The following TTLL9 variants were observed in gnomAD, a reference collection of about 807,000 sequenced individuals.
TTLL9 encodes the protein probable tubulin polyglutamylase TTLL9.
In TTLL9, 47 loss-of-function variants were observed where a neutral mutation model predicts 65.6. That is an observed-to-expected ratio of 0.72 (90% CI 0.57 to 0.91). The LOEUF is 0.91. Ranked by LOEUF, TTLL9 falls within the 40% of genes least tolerant of loss-of-function variation. The pLI is 0.00. For missense variants in TTLL9, 537 were observed against 568.8 expected, an observed-to-expected ratio of 0.94 and a Z score of 0.57; for synonymous variants, 179 against 204.8, an observed-to-expected ratio of 0.87 and a Z score of 1.07.
intron 3 of TTLL9, among the ~76,000 whole-genome samples, chr20:31,891,156 G>A (rs974842628): frequency 1.3e-5 from 2 of 152,196 alleles, no homozygotes; most frequent in African/African-American, 4.8e-5. Context: ...TGCAAAGTGT[G>A]TTCTACCAGC....
chr20:31,884,067 C>T, intron 2 of TTLL9: 3 of 556,644 alleles, frequency 5.4e-6, no homozygotes, highest in South Asian at 2.8e-5. Context: ...TACAAACTAC[C>T]AGAACTAATC....
intron 11 of TTLL9, 194 bp from the exon 12 acceptor site, chr20:31,934,498 A>G: frequency 1.5e-6 from 1 of 680,632 alleles, no homozygotes; most frequent in Non-Finnish European, 2.7e-6. Context: ...CTGCATAGCC[A>G]GTCCTCTTAG....
chr20:31,898,484 C>G lies in TTLL9; in HGVS notation c.125C>G (p.Ala42Gly). The change falls in exon 4 of 15, where the codon GCA (alanine) becomes GGA (glycine). Residue 42 changes from alanine to glycine, a missense_variant. By Grantham distance (60) the Ala-to-Gly change is moderately conservative. Around this residue, in one of 3 missense-constraint regions of TTLL9, gnomAD observed 320 missense variants for 311.0 expected, o/e 1.03. Transcript: ENST00000535842. ...GCCTTGTCTTGCAGAGAGCAGAGAG[C>G]ATCGATCCGGTTCAAGACCACCCTC... ...LSKGKEREQR[A>G]SIRFKTTLMN... 1.9e-6 allele frequency: 3 copies of G among 1,614,146 alleles called. No homozygotes were observed. The South Asian group carries it at 3.3e-5, about 18-fold the overall frequency.
chr20:31,902,846 C>T (rs1051606502), intron 4 of TTLL9, among the ~76,000 whole-genome samples: 2 of 151,938 alleles, frequency 1.3e-5, no homozygotes, highest in Admixed American at 1.3e-4. Flanking sequence ...CACCAACTCT[C>T]GTTATTATTC....
At chr20:31,891,990 A>G (rs919076603) in intron 3 of TTLL9, among the ~76,000 whole-genome samples, 3 of 151,962 alleles carry the variant, frequency 2.0e-5, no homozygotes, top group Admixed American at 1.3e-4. Context: ...TTTAGTACAG[A>G]TGGGGTTTCA....
At chr20:31,912,009 A>AC (rs2063660607) in intron 6 of TTLL9, among the ~76,000 whole-genome samples, 1 of 150,862 alleles carries the variant, frequency 6.6e-6, no homozygotes, top group African/African-American at 2.4e-5. Context: ...AGGTCACTCG[A>AC]CCCCCTTAAG....
intron 9 of TTLL9, chr20:31,925,788 C>T (rs945289502): frequency 8.0e-6 from 10 of 1,252,016 alleles, no homozygotes; most frequent in Middle Eastern, 1.9e-4. Flanking sequence ...GTGGAGGAAA[C>T]GGTAGGTGCA....
chr20:31,877,403 G>C (rs1337129309), intron 2 of TTLL9, among the ~76,000 whole-genome samples: 3 of 152,202 alleles, frequency 2.0e-5, no homozygotes, highest in Non-Finnish European at 4.4e-5. Context: ...GAAGTGCTGA[G>C]ATTACAGGCG....
chr20:31,944,745 T>C lies in TTLL9; in HGVS notation c.*1724T>C, dbSNP rs1182964282. ...CTTGAAAACACGTAAGAACTGGCCA[T>C]GACAGCCTGTGTTTCTATGTAACTA... On this transcript the variant is annotated 3_prime_UTR_variant, in exon 15 of 15. Transcript: ENST00000535842. 2.6e-5 allele frequency: 4 copies of C among 152,172 alleles called. No homozygotes were observed. The highest frequency in any genetic ancestry group is 5.9e-5 in the Non-Finnish European group (4 of 68,038). The allele number at this position is 152,172 out of a possible 1,614,324, so 9.4% of individuals were successfully genotyped here. A position where few individuals can be genotyped will look rare whatever the true frequency, so the allele number is the denominator to read the frequency against.
intron 10 of TTLL9, among the ~76,000 whole-genome samples, chr20:31,928,614 G>C (rs746199290): frequency 2.0e-5 from 3 of 151,898 alleles, no homozygotes; most frequent in Non-Finnish European, 4.4e-5. Context: ...ATAGTATACA[G>C]TCATCACCCT....
chr20:31,887,124 G>T, intron 2 of TTLL9, 72 bp from the exon 3 acceptor site: 1 of 1,492,874 alleles, frequency 6.7e-7, no homozygotes, highest in Non-Finnish European at 9.3e-7. Context: ...TTTAATATCT[G>T]CAGTAAGTTA....
chr20:31,911,474 T>A (rs969423691), intron 6 of TTLL9, among the ~76,000 whole-genome samples: 8 of 152,112 alleles, frequency 5.3e-5, no homozygotes, highest in African/African-American at 1.9e-4. Context: ...GAAACTGACA[T>A]GGGGCTGACA....
Position 31,937,421 on chromosome 20 carries a change from C to G in TTLL9, c.1030C>G (p.Pro344Ala), listed in dbSNP as rs2064130914. Residue 344 changes from proline (P) to alanine (A), a missense_variant, in exon 13 of 15, where the codon CCA becomes GCA. Around this residue, in one of 3 missense-constraint regions of TTLL9, gnomAD observed 205 missense variants for 225.9 expected, o/e 0.91. Coordinates refer to ENST00000535842, the MANE Select transcript of TTLL9 (RefSeq NM_001008409.5). ...GTGGCTCCTGGAGGTCAATGCGTCC[C>G]CATCACTGACAGCCAGCAGCCAGGA... ...KPWLLEVNAS[P>A]SLTASSQEDY... 3.1e-6 allele frequency: 5 copies of G among 1,613,796 alleles called. No homozygotes were observed. The highest frequency in any genetic ancestry group is 4.2e-6 in the Non-Finnish European group (5 of 1,179,826).
chr20:31,907,351 G>A (rs139404692), intron 4 of TTLL9, among the ~76,000 whole-genome samples: 7 of 152,300 alleles, frequency 4.6e-5, no homozygotes, highest in Admixed American at 3.3e-4. Flanking sequence ...AAGTATTAGC[G>A]TTAGGTTTAA....
At chr20:31,874,170 A>G (rs1042394403) in intron 2 of TTLL9, among the ~76,000 whole-genome samples, 2 of 152,230 alleles carry the variant, frequency 1.3e-5, no homozygotes, top group African/African-American at 4.8e-5. Flanking sequence ...ACAAAGCCCA[A>G]TCTGTCTTAA....
chr20:31,933,735 G>A, intron 10 of TTLL9, 65 bp from the exon 11 acceptor site: 1 of 1,521,482 alleles, frequency 6.6e-7, no homozygotes, highest in Middle Eastern at 1.7e-4. Flanking sequence ...TCAGTCCTGG[G>A]GACTTCGTGG....
intron 5 of TTLL9, among the ~76,000 whole-genome samples, chr20:31,909,047 G>C (rs915860624): frequency 8.6e-5 from 13 of 151,786 alleles, no homozygotes; most frequent in Admixed American, 2.6e-4. Flanking sequence ...TGGGAAGGAG[G>C]TCTAGAAGGG....
intron 10 of TTLL9, among the ~76,000 whole-genome samples, chr20:31,933,096 T>A (rs547127721): frequency 6.6e-6 from 1 of 152,308 alleles, no homozygotes; most frequent in African/African-American, 2.4e-5. Context: ...TCACTTAACT[T>A]CTCTGAGCCT....
At chr20:31,935,605 G>A (rs148165029) in intron 12 of TTLL9, among the ~76,000 whole-genome samples, 309 of 152,312 alleles carry the variant, frequency 2.0e-3, no homozygotes, top group African/African-American at 7.0e-3. Flanking sequence ...CTTGCTCAAC[G>A]GAAACAGGGT....
Sources: gnomAD v4.1 joint callset for allele counts (sites outside exome capture counted in the v4.1 genomes callset) on GRCh38, gnomAD v4.1.1 for gene constraint, gnomAD v4.1.1 regional missense constraint, MANE v1.5 for transcripts, NCBI Gene and HGNC (gene_info 2026-07-23, HGNC 2026-07-21) for gene names.